Variants in FGF12 observed in about 807,000 individuals in gnomAD.
The protein encoded by FGF12 is fibroblast growth factor 12B.
A neutral mutation model predicts 23.6 loss-of-function variants in FGF12; 14 were observed. The observed-to-expected ratio is 0.59, with a 90% CI of 0.39 to 0.93. FGF12 has a LOEUF of 0.93. FGF12 is among the 40% of genes least tolerant of loss of function. FGF12 has a pLI of 0.00. For synonymous variants in FGF12, 62 were observed against 77.3 expected (o/e 0.80, Z 1.04); for missense variants, 175 against 217.8 (o/e 0.80, Z 1.24).
At chr3:192,272,034 G>C (rs980422881) in intron 4 of FGF12, among the ~76,000 whole-genome samples, 8 of 152,064 alleles carry the variant, frequency 5.3e-5, no homozygotes, top group Admixed American at 2.0e-4. Flanking sequence ...ACAGGAGAGG[G>C]AAAAATATTG....
At chr3:192,544,215 A>G (rs1725440039) in intron 2 of FGF12, among the ~76,000 whole-genome samples, 1 of 151,362 alleles carries the variant, frequency 6.6e-6, no homozygotes, top group Non-Finnish European at 1.5e-5. Context: ...AAGCACACAG[A>G]TTTTTTTTTC....
intron 2 of FGF12, among the ~76,000 whole-genome samples, chr3:192,681,707 A>G (rs1717533011): frequency 6.6e-6 from 1 of 152,036 alleles, no homozygotes; most frequent in South Asian, 2.1e-4. Flanking sequence ...TCCTTTTTTC[A>G]AGGAAATATC....
intron 4 of FGF12, among the ~76,000 whole-genome samples, chr3:192,290,572 A>T (rs764398119): frequency 6.6e-6 from 1 of 152,162 alleles, no homozygotes; most frequent in Non-Finnish European, 1.5e-5. Flanking sequence ...TTAGTCATAC[A>T]TGCGAAACAC....
chr3:192,593,735 A>C (rs1713723165), intron 2 of FGF12, among the ~76,000 whole-genome samples: 1 of 151,900 alleles, frequency 6.6e-6, no homozygotes, highest in African/African-American at 2.4e-5. Context: ...TTAAAAGTTC[A>C]TTTTTCAATT....
intron 2 of FGF12, among the ~76,000 whole-genome samples, chr3:192,544,610 A>G (rs576556919): frequency 1.0e-3 from 158 of 152,350 alleles, no homozygotes; most frequent in African/African-American, 3.5e-3. Context: ...GCTATTTAAC[A>G]CATAACAAAA....
intron 4 of FGF12, among the ~76,000 whole-genome samples, chr3:192,301,240 G>A (rs1368475629): frequency 2.6e-5 from 4 of 152,092 alleles, no homozygotes; most frequent in African/African-American, 4.8e-5. Context: ...ACGAATCACC[G>A]GGCATGGAGA....
chr3:192,555,456 A>G (rs1016002489), intron 2 of FGF12, among the ~76,000 whole-genome samples: 5 of 152,080 alleles, frequency 3.3e-5, no homozygotes, highest in African/African-American at 1.2e-4. Context: ...AGTACAAAAA[A>G]TGACAATAAA....
chr3:192,613,012 C>T (rs992705091), intron 2 of FGF12, among the ~76,000 whole-genome samples: 8 of 151,516 alleles, frequency 5.3e-5, no homozygotes, highest in South Asian at 2.1e-4. Flanking sequence ...TGAAAACACA[C>T]GCTGGTGACC....
intron 4 of FGF12, among the ~76,000 whole-genome samples, chr3:192,182,838 A>T (rs1716253048): frequency 6.6e-6 from 1 of 152,332 alleles, no homozygotes; most frequent in Non-Finnish European, 1.5e-5. Flanking sequence ...CCAGAAGATG[A>T]TGACATTTCA....
At chr3:192,372,399 A>T (rs200434415) in intron 2 of FGF12, among the ~76,000 whole-genome samples, 15,260 of 151,738 alleles carry the variant, frequency 0.1, 1,111 homozygotes, top group African/African-American at 0.2. Flanking sequence ...CATCACACAC[A>T]CACACACACA....
rs545110646 is a variant in FGF12 at position 192,157,381 on chromosome 3, G to A, written c.427+13077C>T. Among the ~76,000 whole-genome samples, 2 of 152,254 alleles carry A rather than the reference G, an allele frequency of 1.3e-5. 1 individual carries two copies. Among genetic ancestry groups the A allele is most frequent in the South Asian group, 4.1e-4 (2 of 4,824 alleles). Reference sequence around the variant, plus strand: ...TATTTGTTCTATTTATTTAATTCTTGCTTCATTTTAAAGTGAAAAATTTAC... The same window carrying A: ...TATTTGTTCTATTTATTTAATTCTTACTTCATTTTAAAGTGAAAAATTTAC... On this transcript the variant is annotated intron_variant, in intron 5 of 5. Transcript: ENST00000445105.
At chr3:192,324,219 A>T (rs983541123) in intron 4 of FGF12, among the ~76,000 whole-genome samples, 3 of 152,166 alleles carry the variant, frequency 2.0e-5, no homozygotes, top group Non-Finnish European at 4.4e-5. Context: ...CTTTCAACAG[A>T]TAAAGTCTTG....
chr3:192,189,842 A>G (rs1192590653), intron 4 of FGF12, among the ~76,000 whole-genome samples: 1 of 152,166 alleles, frequency 6.6e-6, no homozygotes, highest in Non-Finnish European at 1.5e-5. Flanking sequence ...TAGCAAACTA[A>G]TATACCGACC....
chr3:192,565,776 T>C (rs1712246103), intron 2 of FGF12, among the ~76,000 whole-genome samples: 1 of 152,084 alleles, frequency 6.6e-6, no homozygotes, highest in Admixed American at 6.5e-5. Flanking sequence ...TCTCAGAACA[T>C]ATCCCTGTCA....
At chr3:192,238,291 C>T (rs1719407703) in intron 4 of FGF12, 1 of 152,480 alleles carries the variant, frequency 6.6e-6, no homozygotes, top group South Asian at 2.1e-4. Context: ...GGAGTCTCCA[C>T]ACACATGTGC....
chr3:192,663,627 C>T (rs1303535525), intron 2 of FGF12, among the ~76,000 whole-genome samples: 1 of 152,178 alleles, frequency 6.6e-6, no homozygotes, highest in African/African-American at 2.4e-5. Context: ...TCAGAGAAGT[C>T]ACTTAAAAGT....
At chr3:192,535,066 A>G (rs1273256100) in intron 2 of FGF12, among the ~76,000 whole-genome samples, 1 of 152,202 alleles carries the variant, frequency 6.6e-6, no homozygotes, top group African/African-American at 2.4e-5. Context: ...ATGTTATAAA[A>G]TGAAACAAAT....
chr3:192,222,148 G>A (rs888214644), intron 4 of FGF12, among the ~76,000 whole-genome samples: 1 of 152,032 alleles, frequency 6.6e-6, no homozygotes, highest in Non-Finnish European at 1.5e-5. Context: ...ACTTGGTGGG[G>A]TCATCCTGAT....
chr3:192,205,962 G>T (rs571710013), intron 4 of FGF12, among the ~76,000 whole-genome samples: 1 of 152,166 alleles, frequency 6.6e-6, no homozygotes, highest in South Asian at 2.1e-4. Context: ...CACCATTGAT[G>T]GGGTAATCAG....
Sources: gnomAD v4.1 joint callset for allele counts (sites outside exome capture counted in the v4.1 genomes callset) on GRCh38, gnomAD v4.1.1 for gene constraint, MANE v1.5 for transcripts, NCBI Gene and HGNC (gene_info 2026-07-23, HGNC 2026-07-21) for gene names.